The following IL1RAPL2 variants were observed in gnomAD, a reference collection of about 807,000 sequenced individuals.
IL1RAPL2 encodes the protein X-linked interleukin-1 receptor accessory protein-like 2.
IL1RAPL2 carries 3 observed loss-of-function variants against 44.1 expected under a neutral mutation model. That is an observed-to-expected ratio of 0.07 (90% CI 0.03 to 0.18). The LOEUF is 0.18. Ranked by LOEUF, IL1RAPL2 falls within the 10% of genes least tolerant of loss-of-function variation. The pLI is 1.00. For synonymous variants in IL1RAPL2, 181 were observed against 178.8 expected (o/e 1.01, Z -0.10); for missense variants, 391 against 496.4 (o/e 0.79, Z 2.02).
intron 2 of IL1RAPL2, among the ~76,000 whole-genome samples, chrX:105,004,461 A>G (rs989203447): frequency 9.1e-6 from 1 of 110,199 alleles, no homozygotes; most frequent in Non-Finnish European, 1.9e-5. Flanking sequence ...AGTCCTTGCA[A>G]TATACAGGAA....
chrX:104,906,891 T>C (rs1179876516), intron 2 of IL1RAPL2, among the ~76,000 whole-genome samples: 1 of 111,970 alleles, frequency 8.9e-6, no homozygotes, highest in East Asian at 2.8e-4. Flanking sequence ...TAGTTCCTCC[T>C]TGTACCTCTC....
At chrX:105,183,914 A>G (rs1052327063) in intron 2 of IL1RAPL2, among the ~76,000 whole-genome samples, 3 of 111,312 alleles carry the variant, frequency 2.7e-5, no homozygotes, top group Non-Finnish European at 5.7e-5. Flanking sequence ...ACAGTTTCTT[A>G]GGTCTCAGGG....
At chrX:105,760,838 A>G (rs2038680651) in intron 10 of IL1RAPL2, among the ~76,000 whole-genome samples, 1 of 111,895 alleles carries the variant, frequency 8.9e-6, no homozygotes, top group Non-Finnish European at 1.9e-5. Context: ...TTGGAAGGGG[A>G]GAGGGCAGGA....
At chrX:105,030,835 G>T (rs1194020131) in intron 2 of IL1RAPL2, among the ~76,000 whole-genome samples, 1 of 111,889 alleles carries the variant, frequency 8.9e-6, no homozygotes, top group Non-Finnish European at 1.9e-5. Context: ...ACCTTGGGCA[G>T]TATGGCAATT....
intron 5 of IL1RAPL2, among the ~76,000 whole-genome samples, chrX:105,297,261 G>A (rs1420586939): frequency 9.0e-6 from 1 of 111,674 alleles, no homozygotes; most frequent in East Asian, 2.8e-4. Context: ...AAGAGGTTGA[G>A]TAATAAAAGA....
intron 5 of IL1RAPL2, among the ~76,000 whole-genome samples, chrX:105,476,815 C>G (rs976599262): frequency 1.8e-5 from 2 of 111,958 alleles, no homozygotes; most frequent in Non-Finnish European, 3.8e-5. Context: ...AAGATTCACT[C>G]ATAGTAATGC....
chrX:105,229,593 A>G (rs1556193326), intron 3 of IL1RAPL2, among the ~76,000 whole-genome samples: 1 of 111,811 alleles, frequency 8.9e-6, no homozygotes, highest in African/African-American at 3.3e-5. Flanking sequence ...AGCCATCTCC[A>G]GGGTGGCTTC....
intron 2 of IL1RAPL2, among the ~76,000 whole-genome samples, chrX:104,922,486 C>G (rs746517472): frequency 8.9e-6 from 1 of 112,485 alleles, no homozygotes; most frequent in Non-Finnish European, 1.9e-5. Context: ...TGTGGCACAG[C>G]ACACCACTAC....
intron 2 of IL1RAPL2, among the ~76,000 whole-genome samples, chrX:104,898,771 T>C (rs2147671580): frequency 8.9e-6 from 1 of 112,569 alleles, no homozygotes; most frequent in African/African-American, 3.2e-5. Flanking sequence ...CTTTTGTTTC[T>C]TTTATTTTTC....
chrX:105,140,429 G>T (rs1204875747), intron 2 of IL1RAPL2, among the ~76,000 whole-genome samples: 1 of 112,527 alleles, frequency 8.9e-6, no homozygotes, highest in East Asian at 2.8e-4. Flanking sequence ...GCCAAAGATA[G>T]AATAAAAGGA....
chrX:105,451,654 C>A (rs778688492), intron 5 of IL1RAPL2, among the ~76,000 whole-genome samples: 2 of 111,939 alleles, frequency 1.8e-5, no homozygotes, highest in Non-Finnish European at 3.8e-5. Flanking sequence ...CATAAACATT[C>A]TTGTTTCCCA....
intron 2 of IL1RAPL2, among the ~76,000 whole-genome samples, chrX:105,058,495 T>A (rs1262655644): frequency 8.9e-6 from 1 of 112,371 alleles, no homozygotes; most frequent in African/African-American, 3.2e-5. Flanking sequence ...AAACAACATG[T>A]TACCTGAACA....
intron 1 of IL1RAPL2, among the ~76,000 whole-genome samples, chrX:104,632,663 G>A (rs1207746951): frequency 9.3e-6 from 1 of 107,596 alleles, no homozygotes; most frequent in Non-Finnish European, 1.9e-5. Flanking sequence ...TGGTGTATAA[G>A]AATGCTTGTG....
At chrX:104,895,765 C>G (rs746896566) in intron 2 of IL1RAPL2, among the ~76,000 whole-genome samples, 1 of 111,817 alleles carries the variant, frequency 8.9e-6, no homozygotes, top group Non-Finnish European at 1.9e-5. Flanking sequence ...TGCTTCAGCT[C>G]ACACTCAGGT....
chrX:104,833,103 C>G (rs1189311942), intron 2 of IL1RAPL2, among the ~76,000 whole-genome samples: 1 of 111,823 alleles, frequency 8.9e-6, no homozygotes, highest in African/African-American at 3.3e-5. Context: ...TTAAAATACA[C>G]TCACTTGCAT....
At chrX:105,167,975 G>T (rs1221810428) in intron 2 of IL1RAPL2, among the ~76,000 whole-genome samples, 2 of 111,442 alleles carry the variant, frequency 1.8e-5, no homozygotes, top group Non-Finnish European at 3.8e-5. Flanking sequence ...GTTCAAAGTC[G>T]TACAGCCAAG....
chrX:105,529,138 A>C (rs1163838205), intron 6 of IL1RAPL2, among the ~76,000 whole-genome samples: 1 of 111,334 alleles, frequency 9.0e-6, no homozygotes, highest in Non-Finnish European at 1.9e-5. Flanking sequence ...GTTTGCTCAT[A>C]ATTAGATTCA....
chrX:105,546,654 G>A (rs2036802965), intron 6 of IL1RAPL2, among the ~76,000 whole-genome samples: 1 of 111,483 alleles, frequency 9.0e-6, no homozygotes, highest in African/African-American at 3.3e-5. Flanking sequence ...CAGGTTTGTT[G>A]CCTGACCTTT....
chrX:105,098,647 T>G (rs749419683), intron 2 of IL1RAPL2, among the ~76,000 whole-genome samples: 2 of 112,186 alleles, frequency 1.8e-5, no homozygotes, highest in East Asian at 5.6e-4. Flanking sequence ...TCACAAAGCA[T>G]CAGACTGAAT....
Sources: allele counts gnomAD v4.1 joint callset (sites outside exome capture counted in the v4.1 genomes callset), GRCh38; gene constraint gnomAD v4.1.1; transcripts MANE v1.5; gene names NCBI Gene and HGNC (gene_info 2026-07-23, HGNC 2026-07-21).